The following CRYBG3 variants were observed in gnomAD, a reference collection of about 807,000 sequenced individuals.
The protein encoded by CRYBG3 is crystallin beta-gamma domain containing 3.
A neutral mutation model predicts 244.2 loss-of-function variants in CRYBG3; 127 were observed. The observed-to-expected ratio is 0.52, with a 90% CI of 0.45 to 0.60. The LOEUF (loss-of-function observed/expected upper bound fraction) is 0.60. Ranked by LOEUF, CRYBG3 falls within the 20% of genes least tolerant of loss-of-function variation. CRYBG3 has a pLI of 0.00. For synonymous variants in CRYBG3, 1,132 were observed against 1,195.8 expected (o/e 0.95, Z 1.10); for missense variants, 3,325 against 3,442.5 (o/e 0.97, Z 0.85).
intron 16 of CRYBG3, among the ~76,000 whole-genome samples, chr3:97,914,245 C>A (rs1007321882): frequency 1.3e-5 from 2 of 152,066 alleles, no homozygotes; most frequent in African/African-American, 4.8e-5. Context: ...AAATAGAGAT[C>A]TGCAACTCTA....
At chr3:97,822,815 A>G (rs2038523881) in intron 1 of CRYBG3, among the ~76,000 whole-genome samples, 1 of 152,236 alleles carries the variant, frequency 6.6e-6, no homozygotes, top group African/African-American at 2.4e-5. Context: ...GTGTGGGAGG[A>G]GATCGGGGCA....
chr3:97,875,967 TTTTAAA>T lies in CRYBG3; in HGVS notation c.4774_4779del (p.Phe1592_Lys1593del). 1 of 1,232,060 alleles carries T rather than the reference TTTTAAA, an allele frequency of 8.1e-7. No homozygotes were observed. The highest frequency in any genetic ancestry group is 1.0e-6 in the Non-Finnish European group (1 of 987,938). 76.3% of individuals were successfully genotyped at this position (1,232,060 alleles called of 1,614,324 possible). A position where few individuals can be genotyped will look rare whatever the true frequency, so the allele number is the denominator to read the frequency against. On this transcript the variant is annotated inframe_deletion, in exon 4 of 22. Coordinates refer to ENST00000389622, the MANE Select transcript of CRYBG3 (RefSeq NM_153605.4). ...CGAAAACTGAGCCAAAAGCTAATGT[TTTTAAA>T]ATGGGAGAAGTATACCAAATGGATG... is the stretch of plus-strand genomic sequence containing the variant.
At chr3:97,897,740 C>T (rs531618630) in intron 12 of CRYBG3, among the ~76,000 whole-genome samples, 23 of 152,202 alleles carry the variant, frequency 1.5e-4, no homozygotes, top group African/African-American at 2.2e-4. Flanking sequence ...TTTTTGCATA[C>T]AAGTTTCTCA....
At chr3:97,925,951 G>A (rs1197492392) in intron 17 of CRYBG3, among the ~76,000 whole-genome samples, 1 of 151,968 alleles carries the variant, frequency 6.6e-6, no homozygotes, top group Non-Finnish European at 1.5e-5. Context: ...AAGGATTATA[G>A]TTTACTGGTG....
At chr3:97,919,993 C>G (rs924480378) in intron 17 of CRYBG3, among the ~76,000 whole-genome samples, 1 of 152,156 alleles carries the variant, frequency 6.6e-6, no homozygotes, top group African/African-American at 2.4e-5. Context: ...TGGTCTCAAA[C>G]TCCTGGGCTC....
At chr3:97,847,684 A>G (rs2038923524) in intron 2 of CRYBG3, among the ~76,000 whole-genome samples, 1 of 152,240 alleles carries the variant, frequency 6.6e-6, no homozygotes, top group Admixed American at 6.5e-5. Flanking sequence ...CAATACATCA[A>G]TGATTATTAT....
At chr3:97,899,826 G>A (rs1388000263) in intron 14 of CRYBG3, among the ~76,000 whole-genome samples, 1 of 152,152 alleles carries the variant, frequency 6.6e-6, no homozygotes, top group Non-Finnish European at 1.5e-5. Context: ...AGAAGAGTGT[G>A]GCCAGTTTGG....
intron 17 of CRYBG3, among the ~76,000 whole-genome samples, chr3:97,916,492 T>C (rs1178300230): frequency 2.6e-5 from 4 of 152,140 alleles, no homozygotes; most frequent in East Asian, 3.9e-4. Flanking sequence ...CCCTAGTCAA[T>C]AGGATCTGTG....
intron 17 of CRYBG3, among the ~76,000 whole-genome samples, chr3:97,918,216 T>C (rs1472230772): frequency 6.6e-6 from 1 of 152,220 alleles, no homozygotes; most frequent in Non-Finnish European, 1.5e-5. Flanking sequence ...GTCACAATGG[T>C]ATAATATTGA....
At chr3:97,852,891 A>G (rs1005620358) in intron 2 of CRYBG3, among the ~76,000 whole-genome samples, 4 of 152,036 alleles carry the variant, frequency 2.6e-5, no homozygotes, top group Non-Finnish European at 5.9e-5. Context: ...GTGATATCGC[A>G]TTGTGGTTTT....
chr3:97,863,699 C>G (rs187002940), intron 2 of CRYBG3, among the ~76,000 whole-genome samples: 1 of 152,216 alleles, frequency 6.6e-6, no homozygotes, highest in Non-Finnish European at 1.5e-5. Context: ...TCCCTTATCT[C>G]TGTAATAATA....
chr3:97,880,320 A>C (rs1388749595), intron 6 of CRYBG3, among the ~76,000 whole-genome samples: 1 of 152,216 alleles, frequency 6.6e-6, no homozygotes, highest in East Asian at 1.9e-4. Flanking sequence ...TAAGCCAGTA[A>C]GTTGCAAGAC....
At chr3:97,921,717 C>T (rs2039986694) in intron 17 of CRYBG3, among the ~76,000 whole-genome samples, 1 of 152,128 alleles carries the variant, frequency 6.6e-6, no homozygotes, top group Non-Finnish European at 1.5e-5. Flanking sequence ...CATATATAGA[C>T]AGGAGCAAGA....
At chr3:97,842,034 G>T (rs774398400) in intron 1 of CRYBG3, among the ~76,000 whole-genome samples, 1 of 152,042 alleles carries the variant, frequency 6.6e-6, no homozygotes, top group Non-Finnish European at 1.5e-5. Context: ...GTAGCATTTT[G>T]TTCATTTAGC....
intron 17 of CRYBG3, among the ~76,000 whole-genome samples, chr3:97,918,834 G>A (rs1014051521): frequency 1.3e-5 from 2 of 152,136 alleles, no homozygotes; most frequent in African/African-American, 2.4e-5. Context: ...AGGGGAAAGA[G>A]GGAGCAAGGT....
intron 9 of CRYBG3, among the ~76,000 whole-genome samples, chr3:97,888,808 G>A (rs2039539256): frequency 6.6e-6 from 1 of 152,188 alleles, no homozygotes; most frequent in African/African-American, 2.4e-5. Context: ...TTTTTGTAAG[G>A]AAAGAGTTGC....
intron 18 of CRYBG3, 106 bp from the exon 19 acceptor site, chr3:97,936,679 C>A: frequency 1.7e-6 from 2 of 1,180,250 alleles, no homozygotes; most frequent in South Asian, 2.0e-5. Flanking sequence ...TAAAAGTCTG[C>A]AAACCTAGAA....
chr3:97,862,038 T>C (rs556220051), intron 2 of CRYBG3, among the ~76,000 whole-genome samples: 2 of 152,044 alleles, frequency 1.3e-5, no homozygotes, highest in East Asian at 1.9e-4. Flanking sequence ...AGTAAACTTA[T>C]AGGGATTCCG....
Position 97,943,473 on chromosome 3 carries a change from C to G in CRYBG3, c.*159C>G. 1.7e-6 allele frequency: 1 copy of G among 583,656 alleles called. No individual in the cohort carries two copies. The highest frequency in any genetic ancestry group is 3.0e-6 in the Non-Finnish European group (1 of 335,616). The allele number at this position is 583,656 out of a possible 1,614,324, so 36.2% of individuals were successfully genotyped here. A position where few individuals can be genotyped will look rare whatever the true frequency, so the allele number is the denominator to read the frequency against. On this transcript the variant is annotated 3_prime_UTR_variant, in exon 22 of 22. Coordinates refer to ENST00000389622, the MANE Select transcript of CRYBG3 (RefSeq NM_153605.4). Reference sequence around the variant, plus strand: ...AGCCTCTGAGACTATCGCTCTTAACCATGGAAAAGCTCAAAATATTCTTGC... The same window carrying G: ...AGCCTCTGAGACTATCGCTCTTAACGATGGAAAAGCTCAAAATATTCTTGC...
Sources: gnomAD v4.1 joint callset for allele counts (sites outside exome capture counted in the v4.1 genomes callset) on GRCh38, gnomAD v4.1.1 for gene constraint, MANE v1.5 for transcripts, NCBI Gene and HGNC (gene_info 2026-07-23, HGNC 2026-07-21) for gene names.